Variants in USP45 observed in about 807,000 individuals in gnomAD.
USP45 encodes the protein ubiquitin specific peptidase 45, also known as ubiquitin carboxyl-terminal hydrolase 45.
Under a neutral mutation model 95.8 loss-of-function variants are expected in USP45, and 89 were observed. The observed-to-expected ratio is 0.93, with a 90% CI of 0.78 to 1.11. The LOEUF is 1.11. USP45 is among the 50% of genes least tolerant of loss of function. The probability of loss-of-function intolerance (pLI) is 0.00; values close to 1 mark genes in which losing one functional copy is unlikely to be tolerated. For synonymous variants in USP45, 281 were observed against 316.2 expected (o/e 0.89, Z 1.18); for missense variants, 898 against 942.5 (o/e 0.95, Z 0.62).
chr6:99,515,686 G>A (rs1801037592), upstream of USP45, among the ~76,000 whole-genome samples: 1 of 152,082 alleles, frequency 6.6e-6, no homozygotes, highest in South Asian at 2.1e-4. Flanking sequence ...CTCGGATGTT[G>A]CAGGAGTCCG....
At chr6:99,442,163 C>A (rs1274109859) in intron 15 of USP45, among the ~76,000 whole-genome samples, 1 of 152,200 alleles carries the variant, frequency 6.6e-6, no homozygotes, top group Non-Finnish European at 1.5e-5. Flanking sequence ...TAAGTTGTTT[C>A]TAAACAGGGA....
In USP45 at chr6:99,466,900, A is replaced by G. The variant is rs904946321; in HGVS notation, c.1016-137T>C. 1.8e-5 allele frequency: 11 copies of G among 620,106 alleles called. No individual in the cohort carries two copies. The African/African-American group carries it at 2.1e-4, about 12-fold the overall frequency. The allele number at this position is 620,106 out of a possible 1,614,324, so 38.4% of individuals were successfully genotyped here. A position where few individuals can be genotyped will look rare whatever the true frequency, so the allele number is the denominator to read the frequency against. On this transcript the variant is annotated intron_variant, in intron 10 of 17. Coordinates refer to ENST00000500704, the MANE Select transcript of USP45 (RefSeq NM_001346022.3). ...CATTTAATAATACATTTTACTATAC[A>G]TACAACATTCTAAAGTCTTTCTCCT...
At chr6:99,453,881 A>G (rs1353600265) in intron 13 of USP45, among the ~76,000 whole-genome samples, 1 of 152,184 alleles carries the variant, frequency 6.6e-6, no homozygotes, top group Non-Finnish European at 1.5e-5. Flanking sequence ...AATCGCCTGA[A>G]CCTGGGAGGC....
chr6:99,500,481 A>G (rs968042621), intron 5 of USP45, among the ~76,000 whole-genome samples: 3 of 152,080 alleles, frequency 2.0e-5, no homozygotes, highest in Non-Finnish European at 2.9e-5. Flanking sequence ...TCTTTCTTAT[A>G]ATACTTATTC....
chr6:99,503,070 C>G (rs1017382319), intron 5 of USP45, among the ~76,000 whole-genome samples: 1 of 152,170 alleles, frequency 6.6e-6, no homozygotes, highest in Admixed American at 6.5e-5. Flanking sequence ...TTTTTACATG[C>G]ACTATTGCTA....
chr6:99,484,590 G>C (rs1453839977), intron 7 of USP45, among the ~76,000 whole-genome samples: 1 of 152,108 alleles, frequency 6.6e-6, no homozygotes, highest in Non-Finnish European at 1.5e-5. Flanking sequence ...CTTGAGCCCA[G>C]AGTGGAAGGC....
upstream of USP45, among the ~76,000 whole-genome samples, chr6:99,517,797 C>A (rs1410207970): frequency 6.6e-5 from 10 of 151,738 alleles, no homozygotes; most frequent in Admixed American, 4.6e-4. Flanking sequence ...TTTTAAGATA[C>A]ACTCTTTATT....
intron 13 of USP45, among the ~76,000 whole-genome samples, chr6:99,458,160 C>A (rs961409601): frequency 6.6e-6 from 1 of 152,186 alleles, no homozygotes; most frequent in Non-Finnish European, 1.5e-5. Flanking sequence ...AGCTGGATTA[C>A]AGGCGTGTGC....
chr6:99,507,208 A>G (rs1367196653), intron 4 of USP45, among the ~76,000 whole-genome samples: 1 of 152,226 alleles, frequency 6.6e-6, no homozygotes, highest in South Asian at 2.1e-4. Flanking sequence ...CTCTGTCTCA[A>G]CAACAACAAA....
intron 17 of USP45, 97 bp downstream of exon 17, chr6:99,437,149 C>T: frequency 8.1e-7 from 1 of 1,240,668 alleles, no homozygotes; most frequent in Non-Finnish European, 1.1e-6. Flanking sequence ...CAAGCAAATC[C>T]ACTAGAGGCA....
At chr6:99,466,383 C>T (rs1025701593) in intron 11 of USP45, among the ~76,000 whole-genome samples, 1 of 152,170 alleles carries the variant, frequency 6.6e-6, no homozygotes, top group Non-Finnish European at 1.5e-5. Context: ...GTTTTTCTCT[C>T]ACTTCAAACA....
intron 15 of USP45, among the ~76,000 whole-genome samples, chr6:99,440,355 CTA>C (rs2128532755): frequency 6.6e-6 from 1 of 152,266 alleles, no homozygotes; most frequent in South Asian, 2.1e-4. Flanking sequence ...AAAGTAAATG[CTA>C]TATATTACAT....
chr6:99,436,473 T>A, intron 17 of USP45, among the ~76,000 whole-genome samples: 1 of 152,008 alleles, frequency 6.6e-6, no homozygotes, highest in East Asian at 1.9e-4. Context: ...GGAGAATCGC[T>A]TGAACCCGGA....
At chr6:99,478,751 A>T (rs1331945566) in intron 8 of USP45, among the ~76,000 whole-genome samples, 3 of 152,196 alleles carry the variant, frequency 2.0e-5, no homozygotes, top group Non-Finnish European at 4.4e-5. Flanking sequence ...AAGTGAACTA[A>T]TGCAGAAGCA....
intron 5 of USP45, among the ~76,000 whole-genome samples, chr6:99,503,005 A>G (rs1264742636): frequency 1.3e-5 from 2 of 152,080 alleles, no homozygotes; most frequent in African/African-American, 2.4e-5. Context: ...AAATTACCCA[A>G]TCTCGGGTAT....
At chr6:99,506,492 A>G (rs1350036046) in intron 4 of USP45, among the ~76,000 whole-genome samples, 1 of 152,142 alleles carries the variant, frequency 6.6e-6, no homozygotes, top group African/African-American at 2.4e-5. Flanking sequence ...TATCTTTCGT[A>G]GAGACGGGGT....
At chr6:99,469,492 T>A (rs1358795743) in intron 9 of USP45, among the ~76,000 whole-genome samples, 2,632 of 95,618 alleles carry the variant, frequency 0.028, 40 homozygotes, top group Non-Finnish European at 0.043. Flanking sequence ...ATATATTTTT[T>A]TTTTTTTTGA....
chr6:99,470,163 G>T (rs1382506735), intron 9 of USP45, among the ~76,000 whole-genome samples: 2 of 152,110 alleles, frequency 1.3e-5, no homozygotes, highest in Non-Finnish European at 2.9e-5. Context: ...TTATGAATCA[G>T]AAATATTGTC....
intron 16 of USP45, 53 bp from the exon 17 acceptor site, chr6:99,437,452 T>C: frequency 6.8e-7 from 1 of 1,475,452 alleles, no homozygotes; most frequent in Non-Finnish European, 9.1e-7. Context: ...AATACTGTTT[T>C]AAGGAAAAGT....
Sources: allele counts gnomAD v4.1 joint callset (sites outside exome capture counted in the v4.1 genomes callset), GRCh38; gene constraint gnomAD v4.1.1; transcripts MANE v1.5; gene names NCBI Gene and HGNC (gene_info 2026-07-23, HGNC 2026-07-21).